Variants in PDE4D observed in about 807,000 individuals in gnomAD.
The protein encoded by PDE4D is phosphodiesterase 4D.
Under a neutral mutation model 87.4 loss-of-function variants are expected in PDE4D, and 24 were observed. The ratio of observed to expected loss-of-function variants is 0.27; its 90% CI spans 0.20 to 0.39. The LOEUF (loss-of-function observed/expected upper bound fraction) is 0.39, where lower values mean the gene tolerates loss of function less well. PDE4D is among the 10% of genes least tolerant of loss of function. The pLI is 1.00. For missense variants in PDE4D, 714 were observed against 1,041.0 expected, an observed-to-expected ratio of 0.69 and a Z score of 4.32; for synonymous variants, 384 against 383.2, an observed-to-expected ratio of 1.00 and a Z score of -0.02.
At chr5:59,298,687 A>G (rs913898866) in intron 1 of PDE4D, among the ~76,000 whole-genome samples, 11 of 152,340 alleles carry the variant, frequency 7.2e-5, no homozygotes, top group African/African-American at 1.9e-4. Flanking sequence ...AACATTTTCT[A>G]TGGATCTCAG....
rs184679895 is a variant in PDE4D, at chr5:59,172,369, T to C, written c.808+8226A>G. ...TATTATATATTTTGTATATATTATA[T>C]ATAATATATATTTATATAAATATAT... On this transcript the variant is annotated intron_variant, in intron 5 of 14. Transcript: ENST00000340635. Among the ~76,000 whole-genome samples the C allele has an allele frequency of 3.2e-3, 434 of 135,052 alleles. 1 individual carries two copies. Among genetic ancestry groups the C allele is most frequent in the African/African-American group, 0.011 (418 of 36,406 alleles). 88.6% of individuals were successfully genotyped at this position (135,052 alleles called of 152,430 possible). A position where few individuals can be genotyped will look rare whatever the true frequency, so the allele number is the denominator to read the frequency against.
chr5:59,975,916 T>C (rs1761275003), intron 3 of PDE4D, among the ~76,000 whole-genome samples: 1 of 152,220 alleles, frequency 6.6e-6, no homozygotes, highest in Non-Finnish European at 1.5e-5. Flanking sequence ...TGCTCCCCAG[T>C]GAGATTTCAT....
At position 59,738,749 on chromosome 5, in the gene PDE4D, T is replaced by C. The variant is rs528366828; in HGVS notation, c.455+154419A>G. Among the ~76,000 whole-genome samples the C allele has an allele frequency of 1.8e-4, 27 of 151,884 alleles. No individual in the cohort carries two copies. In the South Asian group the frequency reaches 5.4e-3, roughly 30 times the overall value. On this transcript the variant is annotated intron_variant, in intron 1 of 14. Transcript: ENST00000340635. ...TCTATACTCTAGAGTATATTTATCT[T>C]TAATATTCTATAATTTGTAAAATAA...
At chr5:59,360,795 A>C (rs867200749) in intron 1 of PDE4D, among the ~76,000 whole-genome samples, 2 of 152,246 alleles carry the variant, frequency 1.3e-5, no homozygotes, top group Middle Eastern at 3.4e-3. Context: ...CAACAGTAAA[A>C]CATTAACAGA....
chr5:60,223,797 G>C (rs1344158823), intron 1 of PDE4D, among the ~76,000 whole-genome samples: 1 of 152,034 alleles, frequency 6.6e-6, no homozygotes, highest in African/African-American at 2.4e-5. Context: ...AAAAATAACT[G>C]TTTCATTTTT....
rs183222632 is a variant in PDE4D at position 59,813,337 on chromosome 5, A to G, written c.455+79831T>C. 3.2e-3 allele frequency among the ~76,000 whole-genome samples: 493 copies of G among 152,272 alleles called. 3 individuals carry two copies. The highest frequency in any genetic ancestry group is 0.011 in the African/African-American group (474 of 41,554). On this transcript the variant is annotated intron_variant, in intron 1 of 14. Coordinates refer to ENST00000340635, the MANE Select transcript of PDE4D (RefSeq NM_001104631.2). ...CTGCCTCCATAAAACTGGAGAAGGC[A>G]TATGTGTATATATACTATATATAAT...
chr5:59,281,357 T>C (rs1765768905), intron 1 of PDE4D, among the ~76,000 whole-genome samples: 1 of 152,122 alleles, frequency 6.6e-6, no homozygotes, highest in Admixed American at 6.6e-5. Flanking sequence ...ATTATTGGTT[T>C]GAGTGACTTT....
intron 5 of PDE4D, among the ~76,000 whole-genome samples, chr5:59,102,689 T>C (rs1770963373): frequency 6.6e-6 from 1 of 152,116 alleles, no homozygotes; most frequent in South Asian, 2.1e-4. Context: ...CATCCAGCAG[T>C]TCATCAGCAT....
At chr5:60,457,811 T>G (rs1158056759) in intron 1 of PDE4D, among the ~76,000 whole-genome samples, 1 of 152,112 alleles carries the variant, frequency 6.6e-6, no homozygotes, top group Non-Finnish European at 1.5e-5. Context: ...CCAAATCAAA[T>G]CCCTTTCTGC....
intron 1 of PDE4D, among the ~76,000 whole-genome samples, chr5:59,315,859 G>A (rs546517775): frequency 2.0e-5 from 3 of 151,660 alleles, no homozygotes; most frequent in East Asian, 1.9e-4. Context: ...CTGAGCACGC[G>A]GCGATTAGCC....
At chr5:59,570,171 T>A (rs993089814) in intron 1 of PDE4D, among the ~76,000 whole-genome samples, 3 of 151,946 alleles carry the variant, frequency 2.0e-5, no homozygotes, top group Non-Finnish European at 4.4e-5. Context: ...TAGCCTTGTC[T>A]TATTCTTTAA....
chr5:59,077,672 A>G (rs1462773493), intron 5 of PDE4D, among the ~76,000 whole-genome samples: 2 of 151,742 alleles, frequency 1.3e-5, no homozygotes. Context: ...AAGAGCTCCT[A>G]ATATTTTCTT....
chr5:59,730,100 C>A (rs1179489870), intron 1 of PDE4D, among the ~76,000 whole-genome samples: 1 of 152,020 alleles, frequency 6.6e-6, no homozygotes, highest in Non-Finnish European at 1.5e-5. Context: ...GTGAACCTTG[C>A]TCTATCACAA....
At chr5:59,749,568 C>G (rs906732290) in intron 1 of PDE4D, among the ~76,000 whole-genome samples, 1 of 152,132 alleles carries the variant, frequency 6.6e-6, no homozygotes, top group Non-Finnish European at 1.5e-5. Context: ...TCTCCTGAAA[C>G]AGTTTGTTCA....
chr5:58,981,968 C>T (rs1319026079), intron 11 of PDE4D, among the ~76,000 whole-genome samples: 1 of 152,088 alleles, frequency 6.6e-6, no homozygotes, highest in Non-Finnish European at 1.5e-5. Flanking sequence ...ACTGTAATGC[C>T]CTTCTTGGAT....
intron 1 of PDE4D, among the ~76,000 whole-genome samples, chr5:60,196,583 C>T (rs1174464497): frequency 6.6e-6 from 1 of 151,572 alleles, no homozygotes; most frequent in Non-Finnish European, 1.5e-5. Flanking sequence ...GCGTAGTTTG[C>T]TGGCCTGAGG....
intron 1 of PDE4D, among the ~76,000 whole-genome samples, chr5:60,291,499 CA>C (rs559343708): frequency 4.8e-5 from 7 of 146,816 alleles, no homozygotes; most frequent in African/African-American, 7.5e-5. Flanking sequence ...TAGCTAAAAG[CA>C]AAAAAAAACC....
intron 1 of PDE4D, among the ~76,000 whole-genome samples, chr5:59,792,034 A>G (rs1165470899): frequency 6.6e-6 from 1 of 152,232 alleles, no homozygotes; most frequent in African/African-American, 2.4e-5. Context: ...AATAAGTGAA[A>G]ATAGAAGAGG....
At chr5:60,471,832 G>A (rs922554178) in intron 1 of PDE4D, among the ~76,000 whole-genome samples, 10 of 152,128 alleles carry the variant, frequency 6.6e-5, no homozygotes, top group African/African-American at 2.4e-4. Flanking sequence ...TGCATGGCTT[G>A]CCCTATTGCA....
Sources: allele counts gnomAD v4.1 joint callset (sites outside exome capture counted in the v4.1 genomes callset), GRCh38; gene constraint gnomAD v4.1.1; transcripts MANE v1.5; gene names NCBI Gene and HGNC (gene_info 2026-07-23, HGNC 2026-07-21).